Variants in SLC7A10 observed in about 807,000 individuals in gnomAD.
The protein encoded by SLC7A10 is solute carrier family 7 member 10, also known as asc-type amino acid transporter 1.
Under a neutral mutation model 52.7 loss-of-function variants are expected in SLC7A10, and 30 were observed. The observed-to-expected ratio is 0.57, with a 90% CI of 0.43 to 0.77. The LOEUF is 0.77. Among genes scored for constraint, SLC7A10 ranks in the 30% least tolerant of loss-of-function variants. The probability of loss-of-function intolerance (pLI) is 0.00; values close to 1 mark genes in which losing one functional copy is unlikely to be tolerated. For synonymous variants in SLC7A10, 318 were observed against 314.9 expected, an observed-to-expected ratio of 1.01 and a Z score of -0.10; for missense variants, 581 against 698.5, an observed-to-expected ratio of 0.83 and a Z score of 1.90.
At chr19:33,212,691 ACCATGGCCAAGT>A in intron 3 of SLC7A10, 52 bp from the exon 4 acceptor site, 1 of 1,612,762 alleles carries the variant, frequency 6.2e-7, no homozygotes, top group East Asian at 2.2e-5. Flanking sequence ...TTCACAGTGG[ACCATGGCCAAGT>A]CCAGCCCAGG....
At chr19:33,211,053 T>C (rs2145470333) in intron 7 of SLC7A10, 155 bp from the exon 8 acceptor site, 1 of 974,030 alleles carries the variant, frequency 1.0e-6, no homozygotes, top group Non-Finnish European at 1.6e-6. Flanking sequence ...GCCTCTTGCT[T>C]TCTTTGCCTC....
rs374636950 is a variant in SLC7A10, at chr19:33,212,434, C to T, written c.646G>A (p.Glu216Lys). The T allele has an allele frequency of 9.3e-6, 15 of 1,613,930 alleles. No homozygotes were observed. The highest frequency in any genetic ancestry group is 1.3e-5 in the Non-Finnish European group (15 of 1,180,050). ...LLQIFQGHFEELRPSNAFAFW... is the reference protein window; with the variant it reads ...LLQIFQGHFEKLRPSNAFAFW... ...GCAAAGGCATTGCTGGGCCTCAGCT[C>T]CTCGAAGTGTCCTGGAGGCCCAGAA... The change falls in exon 5 of 11, where the codon GAG becomes AAG. Residue 216 changes from glutamate (E) to lysine (K), a missense_variant. By Grantham distance (56) the Glu-to-Lys change is moderately conservative. Coordinates refer to ENST00000253188, the MANE Select transcript of SLC7A10 (RefSeq NM_019849.3).
At chr19:33,222,468 T>A (rs1003177927) in intron 1 of SLC7A10, among the ~76,000 whole-genome samples, 11 of 85,704 alleles carry the variant, frequency 1.3e-4, no homozygotes, top group Non-Finnish European at 2.2e-4. Flanking sequence ...ATAAAATAAA[T>A]AAAATAAAAT....
intron 1 of SLC7A10, among the ~76,000 whole-genome samples, chr19:33,217,621 C>T (rs893933431): frequency 9.9e-5 from 15 of 152,234 alleles, no homozygotes; most frequent in Admixed American, 1.3e-4. Flanking sequence ...CACACCAGAC[C>T]GGGTCCTGAG....
intron 1 of SLC7A10, among the ~76,000 whole-genome samples, chr19:33,222,423 TATAAA>T (rs70950366): frequency 0.4 from 42,058 of 104,442 alleles, 8,637 homozygotes; most frequent in Non-Finnish European, 0.55. Context: ...TAAAATAAAA[TATAAA>T]ATAAAATAAA....
intron 9 of SLC7A10, among the ~76,000 whole-genome samples, chr19:33,209,943 A>ATTT (rs11455629): frequency 5.6e-5 from 8 of 141,982 alleles, no homozygotes; most frequent in Admixed American, 1.4e-4. Context: ...ATTTTCTTTA[A>ATTT]TTTTTTTTTT....
chr19:33,223,309 G>GAA (rs59600246), intron 1 of SLC7A10, among the ~76,000 whole-genome samples: 223 of 117,274 alleles, frequency 1.9e-3, no homozygotes, highest in African/African-American at 6.3e-3. Context: ...CTCTGTCTCA[G>GAA]AAAAAAAAAA....
chr19:33,208,705 G>A lies in SLC7A10; in HGVS notation c.*186C>T. ...TTATTTATAGGCCTTTTCAGGAAGA[G>A]CTAGCAGGGCAGTGCTAAGACAGGA... is the stretch of plus-strand genomic sequence containing the variant. On this transcript the variant is annotated 3_prime_UTR_variant, in exon 11 of 11. Transcript: ENST00000253188. The surrounding 1 kb of genome is among the most constrained non-coding windows in gnomAD (Gnocchi z 4.7). The A allele has an allele frequency of 4.2e-6, 3 of 718,536 alleles. No individual in the cohort carries two copies. In the South Asian group the frequency reaches 5.5e-5, roughly 13 times the overall value. The allele number at this position is 718,536 out of a possible 1,614,324, so 44.5% of individuals were successfully genotyped here.
intron 5 of SLC7A10, 150 bp from the exon 6 acceptor site, chr19:33,211,687 CAG>C (rs1974558312): frequency 2.1e-6 from 3 of 1,462,256 alleles, no homozygotes; most frequent in African/African-American, 2.8e-5. Context: ...GCCCGAGACA[CAG>C]GGACCCTGTT....
At chr19:33,209,260 C>T (rs747395249) in intron 10 of SLC7A10, 48 bp downstream of exon 10, 1 of 1,611,252 alleles carries the variant, frequency 6.2e-7, no homozygotes, top group Non-Finnish European at 8.5e-7. Context: ...GGTCTGGTCT[C>T]CAGGCCCCGG....
rs756328924 is a variant in SLC7A10, at chr19:33,211,153, C to A, written c.1016+72G>T. The A allele has an allele frequency of 1.6e-5, 23 of 1,454,074 alleles. No individual in the cohort carries two copies. The South Asian group carries it at 2.5e-4, about 16-fold the overall frequency. The allele number at this position is 1,454,074 out of a possible 1,614,324, so 90.1% of individuals were successfully genotyped here. On this transcript the variant is annotated intron_variant, in intron 7 of 10. Coordinates refer to ENST00000253188, the MANE Select transcript of SLC7A10 (RefSeq NM_019849.3). ...CCCGGCAGGTGTCCCTTCCTCTGGC[C>A]CACGGCATGACTGGTGCACACCTGC... is the stretch of plus-strand genomic sequence containing the variant.
intron 2 of SLC7A10, 122 bp downstream of exon 2, chr19:33,215,633 CCCCACACCTTCTCT>C (rs1974659710): frequency 9.2e-6 from 8 of 866,222 alleles, no homozygotes; most frequent in African/African-American, 3.5e-5. Flanking sequence ...TCCATCCACC[CCCCACACCTTCTCT>C]CCATCCACCC....
chr19:33,211,363 C>A, intron 6 of SLC7A10, 35 bp from the exon 7 acceptor site: 1 of 1,613,882 alleles, frequency 6.2e-7, no homozygotes, highest in Non-Finnish European at 8.5e-7. Context: ...ATGTGTAAGG[C>A]CGGGGCAGGG....
intron 7 of SLC7A10, 124 bp downstream of exon 7, chr19:33,211,101 T>C (rs1396793623): frequency 8.6e-6 from 9 of 1,048,382 alleles, no homozygotes; most frequent in African/African-American, 1.6e-5. Context: ...TGTGGGATCA[T>C]CATCCCAGCT....
Position 33,212,925 on chromosome 19 carries a change from T to C in SLC7A10, c.434A>G (p.Tyr145Cys). The C allele has an allele frequency of 6.2e-7, 1 of 1,613,922 alleles. No homozygotes were observed. The highest frequency in any genetic ancestry group is 1.7e-5 in the Admixed American group (1 of 60,010). ...LAVISMTFSN[Y>C]VLQPVFPNCI... The stretch of plus-strand genomic sequence containing the variant: ...GTTGGGGAACACGGGCTGCAGCACG[T>C]AGTTGGAGAAGGTCATGGAGATGAC... Residue 145 changes from tyrosine (Y) to cysteine (C), a missense_variant, in exon 3 of 11, where the codon TAC (tyrosine) becomes TGC (cysteine). By Grantham distance (194) the Tyr-to-Cys change is radical (BLOSUM62 -2). Coordinates refer to ENST00000253188, the MANE Select transcript of SLC7A10 (RefSeq NM_019849.3).
Position 33,208,892 on chromosome 19 carries a change from C to T in SLC7A10, c.1571G>A (p.Ter524=), listed in dbSNP as rs1404239141. 6.3e-7 allele frequency: 1 copy of T among 1,583,672 alleles called. No individual in the cohort carries two copies. The highest frequency in any genetic ancestry group is 1.7e-5 in the Admixed American group (1 of 59,126). ...PATDKPSKPQ[*] is the part of the protein sequence containing the mutation. ...ACTGCTTCAGTCTCTACAAAAATCT[C>T]ATTGTGGCTTCGAGGGCTTGTCTGT... The change falls in exon 11 of 11, where the codon TGA becomes TAA. Residue 524 remains the stop codon, a stop_retained_variant. Coordinates refer to ENST00000253188, the MANE Select transcript of SLC7A10 (RefSeq NM_019849.3). The surrounding 1 kb of genome is among the most constrained non-coding windows in gnomAD (Gnocchi z 4.7).
At chr19:33,209,618 C>A (rs190213073) in intron 9 of SLC7A10, 133 bp from the exon 10 acceptor site, 46 of 917,764 alleles carry the variant, frequency 5.0e-5, no homozygotes, top group Non-Finnish European at 6.8e-5. Context: ...ACCCACTACA[C>A]CCCCTCTTGG....
At position 33,215,985 on chromosome 19, in the gene SLC7A10, G is replaced by A. The variant is rs1252130908; in HGVS notation, c.152-12C>T. 1.9e-6 allele frequency: 3 copies of A among 1,569,958 alleles called. No homozygotes were observed. The highest frequency in any genetic ancestry group is 1.7e-4 in the Middle Eastern group (1 of 5,922). ...GCCGATGATGTTCCCTGCAGGGGGA[G>A]AGATGGGGAGGCATCAGGCCTGGGG... On this transcript the variant is annotated splice_polypyrimidine_tract_variant and intron_variant, in intron 1 of 10. Coordinates refer to ENST00000253188, the MANE Select transcript of SLC7A10 (RefSeq NM_019849.3).
chr19:33,223,963 A>ACCACCACCG (rs1974869800), intron 1 of SLC7A10, among the ~76,000 whole-genome samples: 1 of 148,768 alleles, frequency 6.7e-6, no homozygotes, highest in East Asian at 2.1e-4. Context: ...CACCACCACC[A>ACCACCACCG]CCACCACCAC....
Sources: gnomAD v4.1 joint callset for allele counts (sites outside exome capture counted in the v4.1 genomes callset) on GRCh38, gnomAD v4.1.1 for gene constraint, Gnocchi (gnomAD v3.1) non-coding constraint, MANE v1.5 for transcripts, NCBI Gene and HGNC (gene_info 2026-07-23, HGNC 2026-07-21) for gene names.